The following ATAD3C variants were observed in gnomAD, a reference collection of about 807,000 sequenced individuals.
ATAD3C encodes the protein ATPase family AAA domain containing 3C, also known as ATPase family AAA domain-containing protein 3C.
ATAD3C carries 38 observed loss-of-function variants against 46.3 expected under a neutral mutation model. The observed-to-expected ratio is 0.82, with a 90% confidence interval of 0.63 to 1.08. The LOEUF is 1.08. ATAD3C is among the 50% of genes least tolerant of loss of function. The pLI, the probability that ATAD3C is intolerant of heterozygous loss-of-function variation, is 0.00. For missense variants in ATAD3C, 563 were observed against 572.7 expected (o/e 0.98, Z 0.17); for synonymous variants, 220 against 236.4 (o/e 0.93, Z 0.63).
rs932044263 is a variant in ATAD3C at position 1,461,495 on chromosome 1, C to T, written c.980+578C>T. Reference sequence around the variant, plus strand: ...GAGCCACTGTGCCCGGCCTCTTTTACGTTCCTCTTCACTACGCGGAGAGCT... The same window carrying T: ...GAGCCACTGTGCCCGGCCTCTTTTATGTTCCTCTTCACTACGCGGAGAGCT... On this transcript the variant is annotated intron_variant, in intron 10 of 11. Transcript: ENST00000378785. Among the ~76,000 whole-genome samples, 5 of 148,926 alleles carry T rather than the reference C, an allele frequency of 3.4e-5. 1 individual carries two copies. The highest frequency in any genetic ancestry group is 7.6e-5 in the African/African-American group (3 of 39,216).
chr1:1,451,045 T>A, intron 1 of ATAD3C, among the ~76,000 whole-genome samples: 1 of 138,316 alleles, frequency 7.2e-6, no homozygotes, highest in Admixed American at 7.1e-5. Flanking sequence ...CTCAGCAGGA[T>A]TTTTTTTTTT....
chr1:1,458,495 G>C (rs1208256544), intron 8 of ATAD3C, among the ~76,000 whole-genome samples: 1 of 151,454 alleles, frequency 6.6e-6, no homozygotes, highest in African/African-American at 2.4e-5. Context: ...GGTCAGGCTA[G>C]TCCCGAACTC....
intron 8 of ATAD3C, among the ~76,000 whole-genome samples, chr1:1,458,549 G>A (rs1293111908): frequency 2.0e-5 from 3 of 151,836 alleles, no homozygotes; most frequent in Admixed American, 1.3e-4. Context: ...CAAAGTGCTA[G>A]GATTACAGGC....
rs530125493 is a variant in ATAD3C, at chr1:1,454,281, G to A, written c.223-64G>A. On this transcript the variant is annotated intron_variant, in intron 3 of 11. Coordinates refer to ENST00000378785, the MANE Select transcript of ATAD3C (RefSeq NM_001039211.3). ...AGAGAGGGTGGGGGCAGCCCCGTGC[G>A]TCTCCTGCTCTAGGAGGGAGGGACG... 1.1e-3 allele frequency: 1,741 copies of A among 1,536,404 alleles called. 36 individuals carry two copies. The African/African-American group carries it at 0.021, about 19-fold the overall frequency.
chr1:1,462,521 G>C lies in ATAD3C; in HGVS notation c.981-79G>C. ...GGGCATCTGGCATGGGTGTCCGCCT[G>C]GCTGCCTGTCTTCCGGCCTCCACCT... On this transcript the variant is annotated intron_variant, in intron 10 of 11. Coordinates refer to ENST00000378785, the MANE Select transcript of ATAD3C (RefSeq NM_001039211.3). This position sits in a 1 kb window ranked among gnomAD's most constrained non-coding sequence, Gnocchi z 4.5. The C allele has an allele frequency of 7.2e-7, 1 of 1,397,284 alleles. No individual in the cohort carries two copies. Among genetic ancestry groups the C allele is most frequent in the Non-Finnish European group, 9.9e-7 (1 of 1,009,760 alleles). The allele number at this position is 1,397,284 out of a possible 1,614,324, so 86.6% of individuals were successfully genotyped here.
At chr1:1,452,218 C>G (rs1407328662) in intron 2 of ATAD3C, 96 bp downstream of exon 2, 2 of 1,578,608 alleles carry the variant, frequency 1.3e-6, no homozygotes, top group Non-Finnish European at 1.7e-6. Flanking sequence ...CAGGTCTGGC[C>G]GCTGTAGGCT....
chr1:1,454,839 C>A (rs1002058401), intron 4 of ATAD3C, among the ~76,000 whole-genome samples: 1 of 151,774 alleles, frequency 6.6e-6, no homozygotes, highest in Non-Finnish European at 1.5e-5. Flanking sequence ...CCTGGGGAGC[C>A]GCGCCGTTTG....
At chr1:1,452,567 C>T in intron 3 of ATAD3C, 133 bp downstream of exon 3, 2 of 1,430,358 alleles carry the variant, frequency 1.4e-6, no homozygotes, top group Admixed American at 1.9e-5. Context: ...CAAGCCCAAA[C>T]TGGACCTGCT....
chr1:1,455,764 C>T (rs373516214), intron 5 of ATAD3C, 27 bp from the exon 6 acceptor site: 46 of 1,612,314 alleles, frequency 2.9e-5, no homozygotes, highest in Non-Finnish European at 3.7e-5. Context: ...CAGACTGTGT[C>T]CTCCAAGCCC....
chr1:1,468,004 G>A (rs1639171512), intron 11 of ATAD3C, among the ~76,000 whole-genome samples: 2 of 151,880 alleles, frequency 1.3e-5, no homozygotes, highest in African/African-American at 4.8e-5. Flanking sequence ...TGAGGGTCAG[G>A]GTCTGAGGGT....
intron 8 of ATAD3C, among the ~76,000 whole-genome samples, chr1:1,457,615 CAA>C (rs1041273067): frequency 2.7e-5 from 3 of 109,104 alleles, no homozygotes; most frequent in African/African-American, 1.3e-4. Flanking sequence ...AAAAAAAAAA[CAA>C]AAAAAACAGC....
intron 11 of ATAD3C, among the ~76,000 whole-genome samples, chr1:1,467,265 C>T (rs1192399996): frequency 1.3e-5 from 2 of 152,070 alleles, no homozygotes; most frequent in South Asian, 2.1e-4. Flanking sequence ...GGGTGAGGTG[C>T]AGCCACTCGG....
chr1:1,450,748 C>A lies in ATAD3C; in HGVS notation c.65C>A (p.Ser22Tyr), dbSNP rs1557775459. Residue 22 changes from serine (S) to tyrosine (Y), a missense_variant, in exon 1 of 12, where the codon TCC (serine) becomes TAC (tyrosine). Around this residue, in one of 3 missense-constraint regions of ATAD3C, gnomAD observed 263 missense variants for 243.1 expected, o/e 1.08. Transcript: ENST00000378785. ...CAGACGCTGCAGTTGGAGCAACAGTCCAAGCTCAAAGTGAGTGGGGCCGGT... is the reference window on the plus strand; with the variant it reads ...CAGACGCTGCAGTTGGAGCAACAGTACAAGCTCAAAGTGAGTGGGGCCGGT... ...QEQTLQLEQQ[S>Y]KLKQLVNEDL... is the part of the protein sequence containing the mutation. 6.2e-7 allele frequency: 1 copy of A among 1,613,008 alleles called. No homozygotes were observed. The highest frequency in any genetic ancestry group is 1.3e-5 in the African/African-American group (1 of 75,038).
rs903695841 is a variant in ATAD3C at position 1,462,333 on chromosome 1, C to T, written c.981-267C>T. 18 of 387,596 alleles carry T rather than the reference C, an allele frequency of 4.6e-5. No individual in the cohort carries two copies. Among genetic ancestry groups the T allele is most frequent in the African/African-American group, 1.7e-4 (8 of 48,194 alleles). The allele number at this position is 387,596 out of a possible 1,614,324, so 24.0% of individuals were successfully genotyped here. A position where few individuals can be genotyped will look rare whatever the true frequency, so the allele number is the denominator to read the frequency against. ...CAGGGCTCTGCCACTGCCAGTTTAA[C>T]GGCCATGCGCCCTGTGGGTGCTGAG... On this transcript the variant is annotated intron_variant, in intron 10 of 11. Transcript: ENST00000378785. This position sits in a 1 kb window ranked among gnomAD's most constrained non-coding sequence, Gnocchi z 4.5.
chr1:1,468,307 C>T, intron 11 of ATAD3C, 77 bp from the exon 12 acceptor site: 2 of 1,525,874 alleles, frequency 1.3e-6, no homozygotes, highest in Non-Finnish European at 1.8e-6. Flanking sequence ...GGTCCCTCCC[C>T]ACCTCAGGGC....
chr1:1,450,466 A>G lies in ATAD3C; in HGVS notation c.-218A>G. 1 of 617,132 alleles carries G rather than the reference A, an allele frequency of 1.6e-6. No homozygotes were observed. The highest frequency in any genetic ancestry group is 2.9e-6 in the Non-Finnish European group (1 of 345,180). The allele number at this position is 617,132 out of a possible 1,614,324, so 38.2% of individuals were successfully genotyped here. ...TGTGGCTCTCCAAGACCATCCCTGG[A>G]GGGCATAAAACCTCACAAATGCATC... On this transcript the variant is annotated 5_prime_UTR_variant, in exon 1 of 12. Coordinates refer to ENST00000378785, the MANE Select transcript of ATAD3C (RefSeq NM_001039211.3).
chr1:1,466,732 G>C (rs1242331907), intron 11 of ATAD3C, among the ~76,000 whole-genome samples: 1 of 151,832 alleles, frequency 6.6e-6, no homozygotes, highest in Admixed American at 6.6e-5. Context: ...TGCTTGGTCA[G>C]GGTGTGGAAT....
chr1:1,457,416 A>T (rs991940829), intron 8 of ATAD3C, among the ~76,000 whole-genome samples: 1 of 151,426 alleles, frequency 6.6e-6, no homozygotes, highest in African/African-American at 2.4e-5. Context: ...AACACGGTGA[A>T]ACCCCGTCTC....
At position 1,462,614 on chromosome 1, in the gene ATAD3C, C is replaced by G. The variant is rs748132132; in HGVS notation, c.995C>G (p.Ala332Gly). The G allele has an allele frequency of 6.2e-7, 1 of 1,600,468 alleles. No homozygotes were observed. The highest frequency in any genetic ancestry group is 1.1e-5 in the South Asian group (1 of 88,504). The change falls in exon 11 of 12, where the codon GCC becomes GGC. Residue 332 changes from alanine to glycine, a missense_variant. Physicochemically the swap from Ala to Gly is moderately conservative, Grantham distance 60. Coordinates refer to ENST00000378785, the MANE Select transcript of ATAD3C (RefSeq NM_001039211.3). This position sits in a 1 kb window ranked among gnomAD's most constrained non-coding sequence, Gnocchi z 4.5. ...ATEGKRRLKL[A>G]QFDYGRKCLE... ...TCCTTCCCCAGGCGTCTGAAGCTGG[C>G]CCAGTTTGACTACGGGAGGAAGTGC...
Sources: gnomAD v4.1 joint callset for allele counts (sites outside exome capture counted in the v4.1 genomes callset) on GRCh38, gnomAD v4.1.1 for gene constraint, gnomAD v4.1.1 regional missense constraint, Gnocchi (gnomAD v3.1) non-coding constraint, MANE v1.5 for transcripts, NCBI Gene and HGNC (gene_info 2026-07-23, HGNC 2026-07-21) for gene names.